ARMC8: variants seen among roughly 807,000 people sequenced by gnomAD.
ARMC8 encodes armadillo repeat containing 8.
A neutral mutation model predicts 99.3 loss-of-function variants in ARMC8; 20 were observed. That is an observed-to-expected ratio of 0.20 (90% confidence interval 0.14 to 0.29). The LOEUF (loss-of-function observed/expected upper bound fraction) is 0.29. Ranked by LOEUF, ARMC8 falls within the 10% of genes least tolerant of loss-of-function variation. The pLI, the probability that ARMC8 is intolerant of heterozygous loss-of-function variation, is 1.00. For missense variants in ARMC8, 569 were observed against 809.5 expected (o/e 0.70, Z 3.60); for synonymous variants, 263 against 278.3 (o/e 0.95, Z 0.55).
intron 16 of ARMC8, among the ~76,000 whole-genome samples, chr3:138,270,713 C>T (rs1263876565): frequency 2.6e-5 from 4 of 151,862 alleles, no homozygotes; most frequent in Non-Finnish European, 5.9e-5. Context: ...ATTAACTTGT[C>T]GAAGGTAATA....
At chr3:138,208,945 G>A (rs1231676103) in intron 1 of ARMC8, among the ~76,000 whole-genome samples, 1 of 152,132 alleles carries the variant, frequency 6.6e-6, no homozygotes. Flanking sequence ...GACAGCTTGG[G>A]TGGCCTACAG....
At chr3:138,190,956 A>T (rs981383368) in intron 1 of ARMC8, among the ~76,000 whole-genome samples, 2 of 152,220 alleles carry the variant, frequency 1.3e-5, no homozygotes, top group Non-Finnish European at 2.9e-5. Flanking sequence ...CTGATCTAAT[A>T]TGGAGGGCAA....
chr3:138,264,463 A>AGGCT, intron 14 of ARMC8, among the ~76,000 whole-genome samples: 1 of 117,048 alleles, frequency 8.5e-6, no homozygotes, highest in Non-Finnish European at 1.6e-5. Flanking sequence ...TCTGTCACCC[A>AGGCT]GGCTGGAGTG....
chr3:138,228,750 G>A (rs2045825664), intron 5 of ARMC8, 168 bp from the exon 6 acceptor site: 2 of 578,472 alleles, frequency 3.5e-6, no homozygotes. Context: ...CATTGGCCTA[G>A]ACAGTTTTCA....
chr3:138,265,258 C>G (rs1033516454), intron 14 of ARMC8, among the ~76,000 whole-genome samples: 1 of 151,744 alleles, frequency 6.6e-6, no homozygotes, highest in Non-Finnish European at 1.5e-5. Flanking sequence ...CCCCTTTTGT[C>G]CCCCCCAAAA....
intron 10 of ARMC8, 86 bp downstream of exon 10, chr3:138,239,614 C>T (rs1169594075): frequency 7.2e-6 from 6 of 837,528 alleles, no homozygotes; most frequent in African/African-American, 1.8e-5. Flanking sequence ...TCATTTTACA[C>T]ATTTATCATT....
At chr3:138,210,705 A>C (rs750677604) in intron 2 of ARMC8, among the ~76,000 whole-genome samples, 1 of 152,142 alleles carries the variant, frequency 6.6e-6, no homozygotes, top group South Asian at 2.1e-4. Flanking sequence ...CTCTAATCCC[A>C]TAAGCATTGT....
chr3:138,246,679 ACTT>A, intron 12 of ARMC8: 3 of 984,822 alleles, frequency 3.0e-6, no homozygotes, highest in Non-Finnish European at 2.4e-6. Flanking sequence ...GTCCATTTGT[ACTT>A]CTTTGTACTT....
intron 12 of ARMC8, among the ~76,000 whole-genome samples, chr3:138,255,104 C>G (rs370060575): frequency 5.3e-5 from 8 of 151,494 alleles, no homozygotes; most frequent in African/African-American, 1.9e-4. Context: ...CAGACCATCT[C>G]TTAGATGGTG....
chr3:138,187,648 C>T, intron 1 of ARMC8, 49 bp downstream of exon 1: 1 of 1,525,910 alleles, frequency 6.6e-7, no homozygotes, highest in Non-Finnish European at 8.8e-7. Context: ...AAGCCTCATC[C>T]CGGTCTCCAC....
chr3:138,210,983 C>T (rs529602810), intron 2 of ARMC8, among the ~76,000 whole-genome samples: 5 of 151,182 alleles, frequency 3.3e-5, no homozygotes, highest in African/African-American at 7.3e-5. Context: ...TTACAAAAAA[C>T]GGTGGTATTT....
At position 138,263,735 on chromosome 3, in the gene ARMC8, C is replaced by T; in HGVS notation, c.1135-4C>T. 6.2e-7 allele frequency: 1 copy of T among 1,613,010 alleles called. No individual in the cohort carries two copies. The highest frequency in any genetic ancestry group is 2.2e-5 in the East Asian group (1 of 44,890). On this transcript the variant is annotated splice_polypyrimidine_tract_variant and splice_region_variant and intron_variant, in intron 12 of 21. Transcript: ENST00000469044. ...ATTTATGCAGCATTAACCTTTTTCT[C>T]CAGATCATTGAGACTGAAAATATGA...
intron 12 of ARMC8, among the ~76,000 whole-genome samples, chr3:138,261,152 G>C (rs1012646028): frequency 6.6e-5 from 10 of 152,102 alleles, no homozygotes; most frequent in African/African-American, 2.2e-4. Context: ...CAGAAGATTA[G>C]GTAATTTGGA....
rs1043973613 is a variant in ARMC8 at position 138,209,207 on chromosome 3, A to G, written c.46-610A>G. On this transcript the variant is annotated intron_variant, in intron 1 of 21. Coordinates refer to ENST00000469044, the MANE Select transcript of ARMC8 (RefSeq NM_001363941.2). Reference sequence around the variant, plus strand: ...TATTAATTATACGTACATGACACCCAGCAGTTAGTGAAGAAACTTAGCTTG... The same window carrying G: ...TATTAATTATACGTACATGACACCCGGCAGTTAGTGAAGAAACTTAGCTTG... Among the ~76,000 whole-genome samples, 45 of 152,252 alleles carry G rather than the reference A, an allele frequency of 3.0e-4. 1 individual carries two copies. The highest frequency in any genetic ancestry group is 4.1e-4 in the South Asian group (2 of 4,836).
chr3:138,253,208 C>T (rs1007602613), intron 12 of ARMC8, among the ~76,000 whole-genome samples: 1 of 152,112 alleles, frequency 6.6e-6, no homozygotes. Flanking sequence ...AAGTCAGATA[C>T]TTAAGTCAAC....
chr3:138,205,266 G>GCA (rs1217809855), intron 1 of ARMC8, among the ~76,000 whole-genome samples: 1 of 151,092 alleles, frequency 6.6e-6, no homozygotes, highest in Non-Finnish European at 1.5e-5. Context: ...GGCCAGGCTG[G>GCA]TCTCGATCTC....
At chr3:138,252,584 GCTGAGATTACAGGCGCCCGCCACCACGC>G in intron 12 of ARMC8, among the ~76,000 whole-genome samples, 1 of 151,610 alleles carries the variant, frequency 6.6e-6, no homozygotes, top group African/African-American at 2.4e-5. Context: ...CTCCCAAGTA[GCTGAGATTACAGGCGCCCGCCACCACGC>G]CTGGCTAATT....
At chr3:138,244,567 C>T (rs931229842) in intron 11 of ARMC8, among the ~76,000 whole-genome samples, 3 of 152,158 alleles carry the variant, frequency 2.0e-5, no homozygotes, top group South Asian at 2.1e-4. Context: ...CGTGAGCCAC[C>T]GCGCCCGGCC....
chr3:138,207,756 C>A (rs972648657), intron 1 of ARMC8, among the ~76,000 whole-genome samples: 1 of 152,158 alleles, frequency 6.6e-6, no homozygotes, highest in African/African-American at 2.4e-5. Flanking sequence ...GAAGATCTGA[C>A]AAATGGGTAA....
Sources: allele counts gnomAD v4.1 joint callset (sites outside exome capture counted in the v4.1 genomes callset), GRCh38; gene constraint gnomAD v4.1.1; transcripts MANE v1.5; gene names NCBI Gene and HGNC (gene_info 2026-07-23, HGNC 2026-07-21).